VWC2: variants seen among roughly 807,000 people sequenced by gnomAD.
VWC2 encodes von Willebrand factor C domain containing 2, also known as brorin.
Under a neutral mutation model 29.8 loss-of-function variants are expected in VWC2, and 14 were observed. That is an observed-to-expected ratio of 0.47 (90% CI 0.31 to 0.74). The LOEUF is 0.74. Ranked by LOEUF, VWC2 falls within the 30% of genes least tolerant of loss-of-function variation. The pLI is 0.05. For missense variants in VWC2, 457 were observed against 459.8 expected (o/e 0.99, Z 0.05); for synonymous variants, 213 against 199.0 (o/e 1.07, Z -0.59).
chr7:49,874,686 A>G (rs964695596), intron 3 of VWC2, among the ~76,000 whole-genome samples: 22 of 152,172 alleles, frequency 1.4e-4, no homozygotes, highest in Non-Finnish European at 2.5e-4. Context: ...AAATTGCTGT[A>G]ACCTTTACTT....
intron 3 of VWC2, among the ~76,000 whole-genome samples, chr7:49,849,705 G>A (rs1055306726): frequency 6.6e-6 from 1 of 152,224 alleles, no homozygotes; most frequent in African/African-American, 2.4e-5. Context: ...CAGGGAGATT[G>A]TGGATGTCAG....
rs187014088 is a variant in VWC2, at chr7:49,879,012, A to G, written c.827-33022A>G. Reference sequence around the variant, plus strand: ...TTCTTTATGTCACTGTGTATTCTCCATATTCTTAAATTTTTGTCTCTTTGT... The same window carrying G: ...TTCTTTATGTCACTGTGTATTCTCCGTATTCTTAAATTTTTGTCTCTTTGT... On this transcript the variant is annotated intron_variant, in intron 3 of 3. Coordinates refer to ENST00000340652, the MANE Select transcript of VWC2 (RefSeq NM_198570.5). Among the ~76,000 whole-genome samples the G allele has an allele frequency of 2.6e-3, 394 of 152,222 alleles. 3 individuals are homozygous for G. Among genetic ancestry groups the G allele is most frequent in the Non-Finnish European group, 2.0e-3 (133 of 68,004 alleles).
At chr7:49,814,593 G>A (rs1216265721) in intron 3 of VWC2, among the ~76,000 whole-genome samples, 1 of 152,092 alleles carries the variant, frequency 6.6e-6, no homozygotes, top group Non-Finnish European at 1.5e-5. Flanking sequence ...CCAGTTTATT[G>A]GGCTGAAGTA....
At chr7:49,849,542 C>A (rs903320991) in intron 3 of VWC2, among the ~76,000 whole-genome samples, 19 of 152,214 alleles carry the variant, frequency 1.2e-4, no homozygotes, top group African/African-American at 4.6e-4. Context: ...CTACTCCATG[C>A]CACATTTCAG....
rs554638539 is a variant in VWC2 at position 49,880,509 on chromosome 7, C to T, written c.827-31525C>T. Among the ~76,000 whole-genome samples the T allele has an allele frequency of 1.1e-4, 16 of 151,466 alleles. No homozygotes were observed. In the South Asian group the frequency reaches 3.2e-3, roughly 30 times the overall value. ...CAAATTCAGCTTCTTTATTAGATATCGGGCTATTCAGATTTTTATATTTTT... is the reference window on the plus strand; with the variant it reads ...CAAATTCAGCTTCTTTATTAGATATTGGGCTATTCAGATTTTTATATTTTT... On this transcript the variant is annotated intron_variant, in intron 3 of 3. Transcript: ENST00000340652.
Position 49,783,364 on chromosome 7 carries a change from G to T in VWC2, c.696+7233G>T, listed in dbSNP as rs565996991. 7.2e-5 allele frequency among the ~76,000 whole-genome samples: 11 copies of T among 152,190 alleles called. No homozygotes were observed. The East Asian group carries it at 2.1e-3, about 29-fold the overall frequency. ...AGAAGCCACTCTATTATTATTAATA[G>T]ACTCCACTGTTGTTGATGGCTTGTT... On this transcript the variant is annotated intron_variant, in intron 2 of 3. Transcript: ENST00000340652.
intron 3 of VWC2, among the ~76,000 whole-genome samples, chr7:49,863,444 C>A (rs1193024340): frequency 1.3e-5 from 2 of 151,588 alleles, no homozygotes. Context: ...CTTTTCTTTT[C>A]TTTTTTGAGA....
chr7:49,903,328 G>GA (rs1792880986), intron 3 of VWC2, among the ~76,000 whole-genome samples: 2 of 151,858 alleles, frequency 1.3e-5, no homozygotes. Flanking sequence ...CTCAAAACTG[G>GA]AAAAAAACAA....
rs1247969949 is a variant in VWC2, at chr7:49,802,732, C to T, written c.718C>T (p.Arg240Cys). ...EFVVSPCERC[R>C]CEANGEVLCT... ...TCAGGTGTCTCCATGCGAGAGGTGT[C>T]GCTGTGAAGCCAACGGTGAGGTGCT... Residue 240 changes from arginine (R) to cysteine (C), a missense_variant, in exon 3 of 4, where the codon CGC (arginine) becomes TGC (cysteine). Physicochemically the swap from Arg to Cys is radical, Grantham distance 180 (BLOSUM62 -3). Coordinates refer to ENST00000340652, the MANE Select transcript of VWC2 (RefSeq NM_198570.5). The T allele has an allele frequency of 4.3e-6, 7 of 1,614,052 alleles. No individual in the cohort carries two copies. Among genetic ancestry groups the T allele is most frequent in the Admixed American group, 3.3e-5 (2 of 60,006 alleles).
intron 3 of VWC2, among the ~76,000 whole-genome samples, chr7:49,901,380 T>C (rs922814498): frequency 1.3e-5 from 2 of 151,848 alleles, no homozygotes; most frequent in Non-Finnish European, 3.0e-5. Flanking sequence ...ACAAGGTTAA[T>C]AGACAAAATT....
At chr7:49,786,732 A>G (rs1044588004) in intron 2 of VWC2, among the ~76,000 whole-genome samples, 1 of 152,172 alleles carries the variant, frequency 6.6e-6, no homozygotes, top group African/African-American at 2.4e-5. Flanking sequence ...TCTGATGATC[A>G]GTGATGTTGA....
At chr7:49,899,760 A>G (rs1344207976) in intron 3 of VWC2, among the ~76,000 whole-genome samples, 1 of 151,952 alleles carries the variant, frequency 6.6e-6, no homozygotes, top group East Asian at 1.9e-4. Context: ...AAATGTATAG[A>G]TTCGGGAAGC....
chr7:49,896,005 T>C (rs1450359650), intron 3 of VWC2, among the ~76,000 whole-genome samples: 6 of 152,202 alleles, frequency 3.9e-5, no homozygotes, highest in Admixed American at 2.0e-4. Context: ...TTAGTAGTTA[T>C]TGTGCTTCAA....
rs773839458 is a variant in VWC2, at chr7:49,775,740, G to T, written c.305G>T (p.Gly102Val). The T allele has an allele frequency of 1.1e-5, 16 of 1,512,120 alleles. No homozygotes were observed. The highest frequency in any genetic ancestry group is 1.1e-5 in the Non-Finnish European group (13 of 1,133,506). The allele number at this position is 1,512,120 out of a possible 1,614,324, so 93.7% of individuals were successfully genotyped here. A position where few individuals can be genotyped will look rare whatever the true frequency, so the allele number is the denominator to read the frequency against. Residue 102 changes from glycine to valine, a missense_variant, in exon 2 of 4, where the codon GGG becomes GTG. Physicochemically the swap from Gly to Val is moderately radical, Grantham distance 109 (BLOSUM62 -3). Transcript: ENST00000340652. ...KLKQAWVSQG[G>V]GAKAGDLQVR... is the part of the protein sequence containing the mutation. ...AAGCAGGCCTGGGTCTCCCAGGGCG[G>T]GGGCGCCAAGGCCGGGGATCTGCAG...
chr7:49,809,354 AT>A (rs1487250987), intron 3 of VWC2, among the ~76,000 whole-genome samples: 5 of 152,012 alleles, frequency 3.3e-5, no homozygotes, highest in Non-Finnish European at 4.4e-5. Context: ...CCTAAAACAA[AT>A]AAAATACAAA....
intron 3 of VWC2, among the ~76,000 whole-genome samples, chr7:49,884,901 T>C (rs982935915): frequency 2.6e-5 from 4 of 151,974 alleles, no homozygotes; most frequent in African/African-American, 9.7e-5. Flanking sequence ...TAGAGGAAAT[T>C]CAGAAACCTA....
At chr7:49,794,722 A>G (rs761684765) in intron 2 of VWC2, among the ~76,000 whole-genome samples, 41 of 152,160 alleles carry the variant, frequency 2.7e-4, no homozygotes, top group Non-Finnish European at 3.8e-4. Flanking sequence ...CTACCTGCCC[A>G]GTCTGATCCA....
chr7:49,891,158 A>G (rs1014375754), intron 3 of VWC2, among the ~76,000 whole-genome samples: 22 of 152,218 alleles, frequency 1.4e-4, no homozygotes, highest in African/African-American at 5.3e-4. Context: ...TGTTGAATGT[A>G]AAAAGATACA....
intron 2 of VWC2, among the ~76,000 whole-genome samples, chr7:49,788,589 C>T (rs73108823): frequency 0.14 from 19,881 of 146,172 alleles, 1,698 homozygotes; most frequent in Middle Eastern, 0.23. Context: ...GCGACACCCA[C>T]ACCTACTTAT....
Sources: allele counts gnomAD v4.1 joint callset (sites outside exome capture counted in the v4.1 genomes callset), GRCh38; gene constraint gnomAD v4.1.1; transcripts MANE v1.5; gene names NCBI Gene and HGNC (gene_info 2026-07-23, HGNC 2026-07-21).